The following UGCG variants were observed in gnomAD, a reference collection of about 807,000 sequenced individuals.
UGCG encodes ceramide glucosyltransferase.
In UGCG, 10 loss-of-function variants were observed where a neutral mutation model predicts 49.5. That is an observed-to-expected ratio of 0.20 (90% CI 0.12 to 0.34). UGCG has a LOEUF of 0.34. Among genes scored for constraint, UGCG ranks in the 10% least tolerant of loss-of-function variants. The pLI, the probability that UGCG is intolerant of heterozygous loss-of-function variation, is 1.00. For missense variants in UGCG, 312 were observed against 483.7 expected, an observed-to-expected ratio of 0.65 and a Z score of 3.33; for synonymous variants, 182 against 158.2, an observed-to-expected ratio of 1.15 and a Z score of -1.13.
At chr9:111,913,109 C>T (rs1451162122) in intron 1 of UGCG, among the ~76,000 whole-genome samples, 1 of 152,186 alleles carries the variant, frequency 6.6e-6, no homozygotes, top group Non-Finnish European at 1.5e-5. Flanking sequence ...TTTTGATCAT[C>T]TAGAAGTTCT....
intron 1 of UGCG, among the ~76,000 whole-genome samples, chr9:111,912,878 T>C (rs1425321151): frequency 6.6e-6 from 1 of 150,862 alleles, no homozygotes; most frequent in Non-Finnish European, 1.5e-5. Flanking sequence ...AGTTTTTCCA[T>C]TGTAAACCTG....
chr9:111,928,988 G>A (rs1838373068), intron 5 of UGCG, among the ~76,000 whole-genome samples: 1 of 152,166 alleles, frequency 6.6e-6, no homozygotes, highest in East Asian at 1.9e-4. Context: ...GGGAGAGGGA[G>A]CAGCTAGCTA....
intron 1 of UGCG, among the ~76,000 whole-genome samples, chr9:111,902,489 TATAGTC>T (rs1327307237): frequency 1.3e-5 from 2 of 152,240 alleles, no homozygotes; most frequent in African/African-American, 4.8e-5. Context: ...CAAACAGTAA[TATAGTC>T]ATGAGTGATA....
At chr9:111,911,290 C>T (rs1414527680) in intron 1 of UGCG, among the ~76,000 whole-genome samples, 1 of 152,080 alleles carries the variant, frequency 6.6e-6, no homozygotes. Context: ...GTTTTTTTCT[C>T]ATTTCTGACC....
intron 5 of UGCG, among the ~76,000 whole-genome samples, 183 bp downstream of exon 5, chr9:111,926,679 G>A (rs1838317102): frequency 6.6e-6 from 1 of 152,054 alleles, no homozygotes; most frequent in East Asian, 1.9e-4. Flanking sequence ...AAATTCTTGG[G>A]ACCCTGACTG....
intron 2 of UGCG, among the ~76,000 whole-genome samples, chr9:111,919,034 T>C (rs893746626): frequency 1.3e-5 from 2 of 152,210 alleles, no homozygotes; most frequent in African/African-American, 4.8e-5. Context: ...TTAACACTAG[T>C]ATAGCATTTT....
At chr9:111,897,336 G>A (rs1837682083) in intron 1 of UGCG, 23 bp downstream of exon 1, 1 of 1,539,698 alleles carries the variant, frequency 6.5e-7, no homozygotes, top group South Asian at 1.2e-5. Flanking sequence ...CCGCAGGAGG[G>A]GCTCGGGGCA....
In UGCG at chr9:111,914,635, C is replaced by G. The variant is rs138868212; in HGVS notation, c.129C>G (p.Asp43Glu). Residue 43 changes from aspartate to glutamate, a missense_variant, in exon 2 of 9, where the codon GAC (aspartate) becomes GAG (glutamate). Physicochemically the swap from Asp to Glu is conservative, Grantham distance 45. This residue lies in a region of UGCG where 65 missense variants were observed against 74.7 expected (regional missense o/e 0.87). Transcript: ENST00000374279. The stretch of plus-strand genomic sequence containing the variant: ...TACACCTCAACAAGAAGGCAACTGA[C>G]AAACAGCCTTATAGCAAGCTCCCAG... Reference protein sequence around the residue: ...TRLHLNKKATDKQPYSKLPGV... With the variant: ...TRLHLNKKATEKQPYSKLPGV... The G allele has an allele frequency of 1.6e-5, 26 of 1,613,894 alleles. No individual in the cohort carries two copies. The highest frequency in any genetic ancestry group is 2.7e-5 in the African/African-American group (2 of 74,928).
Position 111,897,346 on chromosome 9 carries a change from A to AGGG in UGCG, c.98+35_98+37dup, listed in dbSNP as rs1837682338. The stretch of plus-strand genomic sequence containing the variant: ...AGGGACCGCAGGAGGGGCTCGGGGC[A>AGGG]GGGGTCCGGGCCTCGGAGACAGGCG... On this transcript the variant is annotated intron_variant, in intron 1 of 8. Transcript: ENST00000374279. The AGGG allele has an allele frequency of 4.6e-6, 7 of 1,514,656 alleles. No homozygotes were observed. In the Middle Eastern group the frequency reaches 1.0e-3, roughly 223 times the overall value. The allele number at this position is 1,514,656 out of a possible 1,614,324, so 93.8% of individuals were successfully genotyped here. A position where few individuals can be genotyped will look rare whatever the true frequency, so the allele number is the denominator to read the frequency against.
chr9:111,920,942 G>A (rs370055581), intron 2 of UGCG, among the ~76,000 whole-genome samples: 43 of 151,328 alleles, frequency 2.8e-4, no homozygotes, highest in African/African-American at 1.0e-3. Context: ...TCGCTCTGTC[G>A]CCCAGGCTGG....
intron 6 of UGCG, 139 bp downstream of exon 6, chr9:111,929,817 T>G: frequency 3.0e-6 from 3 of 1,010,668 alleles, no homozygotes; most frequent in Non-Finnish European, 4.1e-6. Flanking sequence ...GTCAATAATT[T>G]TATTATTTTG....
intron 5 of UGCG, 77 bp downstream of exon 5, chr9:111,926,573 G>A (rs1432591972): frequency 3.5e-6 from 4 of 1,130,400 alleles, no homozygotes; most frequent in African/African-American, 1.6e-5. Flanking sequence ...ATGGGAGCTG[G>A]AATTAGGTAT....
chr9:111,922,713 A>G (rs1420530211), intron 2 of UGCG, 136 bp from the exon 3 acceptor site: 5 of 494,340 alleles, frequency 1.0e-5, no homozygotes, highest in Non-Finnish European at 1.7e-5. Flanking sequence ...GTTTGCATCC[A>G]TTGTGAATGC....
At chr9:111,932,516 AT>A (rs1589531449) in intron 8 of UGCG, among the ~76,000 whole-genome samples, 157 bp downstream of exon 8, 1 of 152,240 alleles carries the variant, frequency 6.6e-6, no homozygotes, top group Non-Finnish European at 1.5e-5. Flanking sequence ...TGGAATGTTG[AT>A]GCAAAACTTA....
chr9:111,897,408 C>A, intron 1 of UGCG, 95 bp downstream of exon 1: 3 of 985,214 alleles, frequency 3.0e-6, no homozygotes, highest in Non-Finnish European at 3.0e-6. Flanking sequence ...GGGGACTGGG[C>A]TCGGGCGGGG....
intron 1 of UGCG, among the ~76,000 whole-genome samples, chr9:111,903,841 C>T (rs1289045094): frequency 6.6e-6 from 1 of 152,188 alleles, no homozygotes; most frequent in Non-Finnish European, 1.5e-5. Flanking sequence ...AACAATCTGC[C>T]TGCCTCGGCC....
At chr9:111,898,722 G>C (rs1175750999) in intron 1 of UGCG, among the ~76,000 whole-genome samples, 1 of 152,074 alleles carries the variant, frequency 6.6e-6, no homozygotes, top group Non-Finnish European at 1.5e-5. Flanking sequence ...GAGAGATGGA[G>C]AAAATTAAAA....
At chr9:111,905,897 G>A (rs1282819042) in intron 1 of UGCG, among the ~76,000 whole-genome samples, 1 of 152,154 alleles carries the variant, frequency 6.6e-6, no homozygotes, top group East Asian at 1.9e-4. Flanking sequence ...TACCTGCTGA[G>A]CTCTCTGTAT....
At chr9:111,926,616 C>T in intron 5 of UGCG, 120 bp downstream of exon 5, 1 of 645,782 alleles carries the variant, frequency 1.5e-6, no homozygotes, top group Non-Finnish European at 2.4e-6. Context: ...CATTTGGGAA[C>T]CTGCTGTGTT....
Sources: gnomAD v4.1 joint callset for allele counts (sites outside exome capture counted in the v4.1 genomes callset) on GRCh38, gnomAD v4.1.1 for gene constraint, gnomAD v4.1.1 regional missense constraint, MANE v1.5 for transcripts, NCBI Gene and HGNC (gene_info 2026-07-23, HGNC 2026-07-21) for gene names.